Variants in HEATR1 observed in about 807,000 individuals in gnomAD.
HEATR1 encodes HEAT repeat-containing protein 1.
Under a neutral mutation model 248.2 loss-of-function variants are expected in HEATR1, and 77 were observed. The observed-to-expected ratio is 0.31, with a 90% CI of 0.26 to 0.37. The LOEUF (loss-of-function observed/expected upper bound fraction) is 0.37, where lower values mean the gene tolerates loss of function less well. HEATR1 is among the 10% of genes least tolerant of loss of function. The pLI is 1.00. For missense variants in HEATR1, 2,420 were observed against 2,504.9 expected (o/e 0.97, Z 0.72); for synonymous variants, 897 against 923.1 (o/e 0.97, Z 0.51).
intron 17 of HEATR1, among the ~76,000 whole-genome samples, chr1:236,583,607 C>A (rs1431260154): frequency 6.6e-6 from 1 of 151,686 alleles, no homozygotes; most frequent in East Asian, 1.9e-4. Flanking sequence ...CTGCTTCAGC[C>A]TCCCGAGTAG....
In HEATR1 at chr1:236,592,523, T is replaced by C. The variant is rs574501045; in HGVS notation, c.1304A>G (p.Lys435Arg). The C allele has an allele frequency of 5.7e-5, 71 of 1,243,004 alleles. 1 individual carries two copies. In the South Asian group the frequency reaches 8.7e-4, roughly 15 times the overall value. 77.0% of individuals were successfully genotyped at this position (1,243,004 alleles called of 1,614,324 possible). ...FLPLIRLLES[K>R]YPRTLDVVLE... is the part of the protein sequence containing the mutation. ...GCATAAACATACACACGTAACTTAC[T>C]TGCTTTCTAAAAGCCTAATGAGTGG... The change falls in exon 10 of 45, where the codon AAA becomes AGA. Residue 435 changes from lysine (K) to arginine (R), a missense_variant and splice_region_variant. Physicochemically the swap from Lys to Arg is conservative, Grantham distance 26. Coordinates refer to ENST00000366582, the MANE Select transcript of HEATR1 (RefSeq NM_018072.6).
At position 236,604,026 on chromosome 1, in the gene HEATR1, C is replaced by G. The variant is rs766365098; in HGVS notation, c.70G>C (p.Asp24His). 5 of 1,599,242 alleles carry G rather than the reference C, an allele frequency of 3.1e-6. No individual in the cohort carries two copies. The highest frequency in any genetic ancestry group is 2.3e-5 in the East Asian group (1 of 43,650). The change falls in exon 2 of 45, where the codon GAT becomes CAT. Residue 24 changes from aspartate (D) to histidine (H), a missense_variant. Coordinates refer to ENST00000366582, the MANE Select transcript of HEATR1 (RefSeq NM_018072.6). ...TCAAATAACAAAGAAGCAACTTCATCTCTAGATAAGAGGCTGGCATCACTT... is the reference window on the plus strand; with the variant it reads ...TCAAATAACAAAGAAGCAACTTCATGTCTAGATAAGAGGCTGGCATCACTT... ...PQSDASLLSR[D>H]EVASLLFDPK... is the part of the protein sequence containing the mutation.
In HEATR1 at chr1:236,569,089, T is replaced by C. The variant is rs757321067; in HGVS notation, c.3984A>G (p.Thr1328=). The change falls in exon 29 of 45, where the codon ACA becomes ACG. Residue 1328 remains threonine (T), a synonymous_variant. Coordinates refer to ENST00000366582, the MANE Select transcript of HEATR1 (RefSeq NM_018072.6). ...GGCGCATGACATTGGCTCCCATAAA[T>C]GTAAAAATAGACATGATATTGTGTA... ...KVLHNIMSIF[T]FMGANVMRLD... The C allele has an allele frequency of 3.1e-6, 5 of 1,602,912 alleles. No homozygotes were observed. In the South Asian group the frequency reaches 3.4e-5, roughly 11 times the overall value.
At position 236,566,853 on chromosome 1, in the gene HEATR1, T is replaced by G; in HGVS notation, c.4101A>C (p.Glu1367Asp). ...LIQSDSGDSI[E>D]VSRNVEEIVV... ...CAATCTCTTCAACGTTTCTTGAAAC[T>G]TCTATAGAATCTCCACTATCAGACT... The change falls in exon 30 of 45, where the codon GAA becomes GAC. Residue 1367 changes from glutamate to aspartate, a missense_variant. Physicochemically the swap from Glu to Asp is conservative, Grantham distance 45. Transcript: ENST00000366582. The G allele has an allele frequency of 6.2e-7, 1 of 1,613,850 alleles. No homozygotes were observed. The highest frequency in any genetic ancestry group is 8.5e-7 in the Non-Finnish European group (1 of 1,179,770).
At chr1:236,601,729 T>C (rs183720600) in intron 3 of HEATR1, among the ~76,000 whole-genome samples, 70 of 152,156 alleles carry the variant, frequency 4.6e-4, no homozygotes, top group Non-Finnish European at 9.6e-4. Context: ...CCCAGCTACT[T>C]GGGTGGCTGA....
chr1:236,553,728 C>A lies in HEATR1; in HGVS notation c.6090G>T (p.Arg2030Ser). The change falls in exon 43 of 45, where the codon AGG (arginine) becomes AGT (serine). Residue 2030 changes from arginine to serine, a missense_variant. By Grantham distance (110) the Arg-to-Ser change is moderately radical (BLOSUM62 -1). Coordinates refer to ENST00000366582, the MANE Select transcript of HEATR1 (RefSeq NM_018072.6). ...CCTGGAATTTCTCTTCTCCCCCAAG[C>A]CTGTTTTCCAGCTAGGAAGAGTAAG... ...MMPLVDQLEN[R>S]LGGEEKFQER... 6.2e-7 allele frequency: 1 copy of A among 1,611,976 alleles called. No individual in the cohort carries two copies. Among genetic ancestry groups the A allele is most frequent in the Non-Finnish European group, 8.5e-7 (1 of 1,178,998 alleles).
At chr1:236,592,667 TAA>T in intron 9 of HEATR1, 34 bp from the exon 10 acceptor site, 1 of 824,678 alleles carries the variant, frequency 1.2e-6, no homozygotes, top group Non-Finnish European at 2.0e-6. Flanking sequence ...TCAGCATACA[TAA>T]GAGTTACTAT....
intron 44 of HEATR1, chr1:236,551,249 C>T: frequency 2.2e-6 from 1 of 459,958 alleles, no homozygotes. Flanking sequence ...GGGATGCCAC[C>T]CCTTTAGTAG....
At position 236,587,986 on chromosome 1, in the gene HEATR1, TATC is replaced by T. The variant is rs745456728; in HGVS notation, c.1585_1587del (p.Asp529del). 8 of 1,612,318 alleles carry T rather than the reference TATC, an allele frequency of 5.0e-6. No homozygotes were observed. The South Asian group carries it at 5.5e-5, about 11-fold the overall frequency. ...ATAGCCGACAAAACAACATCTATAT[TATC>T]ATCACCTAATCGGGCTAAAACAGCT... On this transcript the variant is annotated inframe_deletion, in exon 13 of 45. Transcript: ENST00000366582.
At position 236,554,764 on chromosome 1, in the gene HEATR1, G is replaced by T. The variant is rs1379605804; in HGVS notation, c.5924-12C>A. Reference sequence around the variant, plus strand: ...AAAAAATGCTTCATCTGTAGACGTGGGAAGAGTAAAAATGAAAAAACACTG... The same window carrying T: ...AAAAAATGCTTCATCTGTAGACGTGTGAAGAGTAAAAATGAAAAAACACTG... On this transcript the variant is annotated splice_polypyrimidine_tract_variant and intron_variant, in intron 41 of 44. Transcript: ENST00000366582. 1 of 1,594,330 alleles carries T rather than the reference G, an allele frequency of 6.3e-7. No individual in the cohort carries two copies. Among genetic ancestry groups the T allele is most frequent in the Non-Finnish European group, 8.5e-7 (1 of 1,174,220 alleles).
In HEATR1 at chr1:236,603,227, G is replaced by A. The variant is rs374661960; in HGVS notation, c.292C>T (p.Leu98Phe). The change falls in exon 3 of 45, where the codon CTT becomes TTT. Residue 98 changes from leucine to phenylalanine, a missense_variant. Physicochemically the swap from Leu to Phe is conservative, Grantham distance 22. Coordinates refer to ENST00000366582, the MANE Select transcript of HEATR1 (RefSeq NM_018072.6). ...KQLDENISLF[L>F]IHLSPYFLLK... ...AGGAAGTAAGGCGACAAGTGAATAA[G>A]GAATAATGAAATGTTTTCATCCAAC... 3 of 1,614,024 alleles carry A rather than the reference G, an allele frequency of 1.9e-6. No individual in the cohort carries two copies. Among genetic ancestry groups the A allele is most frequent in the Middle Eastern group, 1.6e-4 (1 of 6,084 alleles).
intron 14 of HEATR1, among the ~76,000 whole-genome samples, chr1:236,587,167 CTTTTGCA>C (rs1663910972): frequency 6.6e-6 from 1 of 152,012 alleles, no homozygotes; most frequent in South Asian, 2.1e-4. Context: ...TATATACTTC[CTTTTGCA>C]TTTTATTAAG....
intron 24 of HEATR1, among the ~76,000 whole-genome samples, chr1:236,573,519 G>A (rs571713085): frequency 7.4e-6 from 1 of 135,454 alleles, no homozygotes; most frequent in Admixed American, 7.9e-5. Flanking sequence ...CTAGGTATTA[G>A]ATAATACCAA....
chr1:236,557,291 G>C lies in HEATR1; in HGVS notation c.5259C>G (p.Ser1753Arg). 1 of 1,614,164 alleles carries C rather than the reference G, an allele frequency of 6.2e-7. No homozygotes were observed. The highest frequency in any genetic ancestry group is 8.5e-7 in the Non-Finnish European group (1 of 1,180,018). Residue 1753 changes from serine to arginine, a missense_variant, in exon 37 of 45, where the codon AGC becomes AGG. Physicochemically the swap from Ser to Arg is moderately radical, Grantham distance 110. Coordinates refer to ENST00000366582, the MANE Select transcript of HEATR1 (RefSeq NM_018072.6). ...CCAAGGCACTGAGCAGGTAGACCTC[G>C]CTGGAGACCAGCTCGCTGGTGTTCT... The part of the protein sequence containing the change: ...TMKNTSELVS[S>R]EVYLLSALAA...
chr1:236,593,528 C>T (rs1019780185), intron 9 of HEATR1, among the ~76,000 whole-genome samples: 9 of 145,466 alleles, frequency 6.2e-5, no homozygotes, highest in Admixed American at 7.3e-5. Context: ...AGAATTTACA[C>T]CTATGTCTGA....
chr1:236,558,297 A>G lies in HEATR1; in HGVS notation c.5144T>C (p.Leu1715Pro). 1 of 1,614,162 alleles carries G rather than the reference A, an allele frequency of 6.2e-7. No homozygotes were observed. Among genetic ancestry groups the G allele is most frequent in the Non-Finnish European group, 8.5e-7 (1 of 1,180,002 alleles). Residue 1715 changes from leucine to proline, a missense_variant, in exon 36 of 45, where the codon CTG (leucine) becomes CCG (proline). Transcript: ENST00000366582. The part of the protein sequence containing the change: ...KEEKNVLGSA[L>P]LCIAEVTSTL... The stretch of plus-strand genomic sequence containing the variant: ...GGAGGTCACCTCTGCTATGCACAGC[A>G]GCGCGCTTCCCAGGACATTCTTCTC...
chr1:236,573,451 T>A (rs2853599), intron 24 of HEATR1, among the ~76,000 whole-genome samples: 86,373 of 151,872 alleles, frequency 0.57, 26,438 homozygotes, highest in Non-Finnish European at 0.69. Context: ...GGATTCTGAT[T>A]CAAAGAAAAC....
At chr1:236,571,235 T>G (rs896436746) in intron 28 of HEATR1, 116 bp downstream of exon 28, 12 of 1,257,406 alleles carry the variant, frequency 9.5e-6, no homozygotes, top group Middle Eastern at 2.6e-4. Flanking sequence ...GTCTCACCAG[T>G]GCTGGAAGAT....
intron 14 of HEATR1, among the ~76,000 whole-genome samples, chr1:236,587,062 T>G (rs1463977612): frequency 2.6e-5 from 4 of 152,160 alleles, no homozygotes; most frequent in African/African-American, 9.6e-5. Context: ...GTTTAACACA[T>G]TGGTATTTGT....
Sources: gnomAD v4.1 joint callset for allele counts (sites outside exome capture counted in the v4.1 genomes callset) on GRCh38, gnomAD v4.1.1 for gene constraint, MANE v1.5 for transcripts, NCBI Gene and HGNC (gene_info 2026-07-23, HGNC 2026-07-21) for gene names.